CREB5: variants seen among roughly 807,000 people sequenced by gnomAD.
CREB5 encodes cyclic AMP-responsive element-binding protein 5.
Under a neutral mutation model 57.1 loss-of-function variants are expected in CREB5, and 19 were observed. The ratio of observed to expected loss-of-function variants is 0.33; its 90% CI spans 0.23 to 0.49. The LOEUF (loss-of-function observed/expected upper bound fraction) is 0.49. Ranked by LOEUF, CREB5 falls within the 20% of genes least tolerant of loss-of-function variation. The pLI, the probability that CREB5 is intolerant of heterozygous loss-of-function variation, is 0.99. For synonymous variants in CREB5, 238 were observed against 238.3 expected (o/e 1.00, Z 0.01); for missense variants, 579 against 671.6 (o/e 0.86, Z 1.52).
intron 6 of CREB5, among the ~76,000 whole-genome samples, chr7:28,722,284 A>G (rs1803075726): frequency 6.6e-6 from 1 of 152,160 alleles, no homozygotes; most frequent in Admixed American, 6.5e-5. Flanking sequence ...GCTCTGGACA[A>G]TTATCTGTAC....
In CREB5 at chr7:28,468,999, TAGG is replaced by T. The variant is rs1458429281; in HGVS notation, c.4-19174_4-19172del. ...CTAGAGACTACATCTTTTCTTCATTTAGGACTCCTCAACACCTAGCGTAGTTCC... is the reference window on the plus strand; with the variant it reads ...CTAGAGACTACATCTTTTCTTCATTTACTCCTCAACACCTAGCGTAGTTCC... On this transcript the variant is annotated intron_variant, in intron 1 of 10. Transcript: ENST00000357727. Among the ~76,000 whole-genome samples the T allele has an allele frequency of 3.9e-5, 6 of 152,208 alleles. No homozygotes were observed. In the East Asian group the frequency reaches 9.6e-4, roughly 24 times the overall value.
At chr7:28,528,003 C>A (rs1437675491) in intron 4 of CREB5, among the ~76,000 whole-genome samples, 2 of 152,170 alleles carry the variant, frequency 1.3e-5, no homozygotes, top group African/African-American at 4.8e-5. Context: ...ATCTACCTTG[C>A]AAAGTTATAG....
intron 1 of CREB5, among the ~76,000 whole-genome samples, chr7:28,373,618 A>T (rs1256297153): frequency 6.6e-6 from 1 of 150,904 alleles, no homozygotes; most frequent in African/African-American, 2.4e-5. Context: ...TAGAGATGAG[A>T]TTTCACCATG....
At chr7:28,550,545 T>G (rs1794592938) in intron 4 of CREB5, among the ~76,000 whole-genome samples, 1 of 152,164 alleles carries the variant, frequency 6.6e-6, no homozygotes, top group Admixed American at 6.5e-5. Flanking sequence ...CAGCCTCTTC[T>G]CTCTTCCCCG....
chr7:28,586,334 C>T (rs983600320), intron 5 of CREB5, among the ~76,000 whole-genome samples: 6 of 152,172 alleles, frequency 3.9e-5, no homozygotes, highest in African/African-American at 1.4e-4. Context: ...CAAAGAAGCT[C>T]AGAGCTCTGG....
At chr7:28,430,585 T>A (rs1352424375) in intron 1 of CREB5, among the ~76,000 whole-genome samples, 4 of 152,212 alleles carry the variant, frequency 2.6e-5, no homozygotes, top group Admixed American at 2.6e-4. Flanking sequence ...TGGCTAATTT[T>A]TTGTAGTTCT....
At chr7:28,460,998 G>C (rs1344724342) in intron 1 of CREB5, among the ~76,000 whole-genome samples, 1 of 152,024 alleles carries the variant, frequency 6.6e-6, no homozygotes, top group Non-Finnish European at 1.5e-5. Context: ...AAACCAGCCT[G>C]GGCAACACAG....
intron 1 of CREB5, among the ~76,000 whole-genome samples, chr7:28,400,769 C>T (rs1420563251): frequency 1.3e-5 from 2 of 152,144 alleles, no homozygotes; most frequent in African/African-American, 4.8e-5. Context: ...TAAAAAGGTA[C>T]TTATAAATGC....
At chr7:28,404,711 C>T (rs1240600004) in intron 1 of CREB5, among the ~76,000 whole-genome samples, 39 of 152,158 alleles carry the variant, frequency 2.6e-4, no homozygotes, top group Admixed American at 2.6e-3. Context: ...TGAAGCCAGT[C>T]CTGTCTGTCT....
intron 1 of CREB5, among the ~76,000 whole-genome samples, chr7:28,421,192 C>T (rs1480171467): frequency 6.6e-6 from 1 of 152,102 alleles, no homozygotes; most frequent in African/African-American, 2.4e-5. Flanking sequence ...CTCTGTCTGC[C>T]TTTACATACC....
rs151167566 is a variant in CREB5, at chr7:28,531,886, G to A, written c.291+24149G>A. ...TCTATTAAAATACAAAAAATTAGCC[G>A]GGTGTGGTGGCACGCACCTGTACTC... On this transcript the variant is annotated intron_variant, in intron 4 of 10. Transcript: ENST00000357727. 1.1e-3 allele frequency among the ~76,000 whole-genome samples: 161 copies of A among 152,184 alleles called. No homozygotes were observed. In the East Asian group the frequency reaches 0.028, roughly 27 times the overall value.
At chr7:28,699,376 A>G (rs964788529) in intron 5 of CREB5, among the ~76,000 whole-genome samples, 9 of 152,200 alleles carry the variant, frequency 5.9e-5, no homozygotes, top group Admixed American at 3.9e-4. Context: ...ATATGTTTTA[A>G]TTCTATGCTG....
At chr7:28,418,794 G>A (rs1402651959) in intron 1 of CREB5, among the ~76,000 whole-genome samples, 1 of 152,224 alleles carries the variant, frequency 6.6e-6, no homozygotes, top group South Asian at 2.1e-4. Flanking sequence ...ATGGGTGGTC[G>A]GTATGAGAAA....
At chr7:28,464,728 T>G (rs1790493945) in intron 1 of CREB5, among the ~76,000 whole-genome samples, 2 of 151,544 alleles carry the variant, frequency 1.3e-5, no homozygotes, top group African/African-American at 4.9e-5. Flanking sequence ...AAAAAAAGAC[T>G]GCTAAACTTT....
At chr7:28,479,196 A>G (rs1376046767) in intron 1 of CREB5, among the ~76,000 whole-genome samples, 1 of 152,082 alleles carries the variant, frequency 6.6e-6, no homozygotes, top group Non-Finnish European at 1.5e-5. Flanking sequence ...GTGGGTACTT[A>G]TACTCTAATT....
intron 5 of CREB5, among the ~76,000 whole-genome samples, chr7:28,677,175 A>T (rs1447020187): frequency 2.0e-5 from 3 of 152,194 alleles, no homozygotes; most frequent in African/African-American, 7.2e-5. Context: ...GTATTTATAT[A>T]TTTTTTTCAT....
intron 1 of CREB5, among the ~76,000 whole-genome samples, chr7:28,370,027 T>C (rs753191862): frequency 6.6e-6 from 1 of 152,336 alleles, no homozygotes; most frequent in East Asian, 1.9e-4. Flanking sequence ...GTTGTACTTA[T>C]CTGCTCATAG....
chr7:28,732,950 T>C (rs1803746400), intron 7 of CREB5, among the ~76,000 whole-genome samples: 1 of 152,072 alleles, frequency 6.6e-6, no homozygotes, highest in Non-Finnish European at 1.5e-5. Flanking sequence ...TATCGCTTGT[T>C]TGAGAAGCTG....
At chr7:28,397,122 T>G (rs2127998934) in intron 1 of CREB5, among the ~76,000 whole-genome samples, 1 of 152,256 alleles carries the variant, frequency 6.6e-6, no homozygotes, top group South Asian at 2.1e-4. Flanking sequence ...CGCAGTGTAA[T>G]GAGTTGAAAA....
Sources: allele counts gnomAD v4.1 joint callset (sites outside exome capture counted in the v4.1 genomes callset), GRCh38; gene constraint gnomAD v4.1.1; transcripts MANE v1.5; gene names NCBI Gene and HGNC (gene_info 2026-07-23, HGNC 2026-07-21).